The following ADGRL3 variants were observed in gnomAD, a reference collection of about 807,000 sequenced individuals.
ADGRL3 encodes adhesion G protein-coupled receptor L3.
A neutral mutation model predicts 153.5 loss-of-function variants in ADGRL3; 62 were observed. The ratio of observed to expected loss-of-function variants is 0.40; its 90% CI spans 0.33 to 0.50. The LOEUF (loss-of-function observed/expected upper bound fraction) is 0.50. Among genes scored for constraint, ADGRL3 ranks in the 20% least tolerant of loss-of-function variants. The pLI is 0.47. For missense variants in ADGRL3, 1,641 were observed against 1,859.4 expected, an observed-to-expected ratio of 0.88 and a Z score of 2.16; for synonymous variants, 710 against 672.5, an observed-to-expected ratio of 1.06 and a Z score of -0.86.
chr4:61,530,966 T>A (rs1054935198), intron 4 of ADGRL3, among the ~76,000 whole-genome samples: 2 of 152,188 alleles, frequency 1.3e-5, no homozygotes, highest in African/African-American at 4.8e-5. Flanking sequence ...GTGCTCTATT[T>A]ATCATATATT....
chr4:61,454,916 CA>C (rs1478241381), intron 2 of ADGRL3, among the ~76,000 whole-genome samples: 1 of 151,886 alleles, frequency 6.6e-6, no homozygotes, highest in Non-Finnish European at 1.5e-5. Context: ...ATGCTAAATC[CA>C]ACTTTCATAT....
intron 25 of ADGRL3, among the ~76,000 whole-genome samples, chr4:62,055,313 T>C (rs761505666): frequency 7.2e-5 from 11 of 151,942 alleles, no homozygotes; most frequent in South Asian, 2.1e-4. Context: ...ATCTGTACTT[T>C]AGAGAAAATA....
At chr4:62,045,776 A>G (rs1730812125) in intron 25 of ADGRL3, among the ~76,000 whole-genome samples, 1 of 152,026 alleles carries the variant, frequency 6.6e-6, no homozygotes, top group Non-Finnish European at 1.5e-5. Context: ...TGTCTTGATT[A>G]GTAAGAATAG....
chr4:61,506,562 G>T (rs757811330), intron 3 of ADGRL3, among the ~76,000 whole-genome samples: 1 of 152,144 alleles, frequency 6.6e-6, no homozygotes, highest in African/African-American at 2.4e-5. Context: ...ATGTTAAAGG[G>T]TGTTGAAAAG....
At position 61,717,199 on chromosome 4, in the gene ADGRL3, TGTGTGTGTGTGTGTGTGTGTGC is replaced by T. The variant is rs1251584540; in HGVS notation, c.584-13406_584-13385del. ...AATTCTGTAGGCCACATAGTTTATG[TGTGTGTGTGTGTGTGTGTGTGC>T]GTGTGTGTGTGTGTGTATAACAAAC... is the stretch of plus-strand genomic sequence containing the variant. On this transcript the variant is annotated intron_variant, in intron 6 of 26. Transcript: ENST00000683033. 5.1e-3 allele frequency among the ~76,000 whole-genome samples: 496 copies of T among 97,726 alleles called. 2 individuals are homozygous for T. Among genetic ancestry groups the T allele is most frequent in the African/African-American group, 0.025 (480 of 19,344 alleles). 64.1% of individuals were successfully genotyped at this position (97,726 alleles called of 152,430 possible).
At chr4:62,006,577 ATTTT>A (rs34336604) in intron 21 of ADGRL3, among the ~76,000 whole-genome samples, 7 of 130,776 alleles carry the variant, frequency 5.4e-5, no homozygotes, top group Admixed American at 7.7e-5. Flanking sequence ...CAATGTATAG[ATTTT>A]TTTTTTTTTT....
At chr4:62,062,544 A>G (rs1740777874) in intron 25 of ADGRL3, among the ~76,000 whole-genome samples, 1 of 151,948 alleles carries the variant, frequency 6.6e-6, no homozygotes, top group South Asian at 2.1e-4. Flanking sequence ...TTCATCTAAC[A>G]CAAATACACA....
At chr4:61,904,087 C>T (rs1444234865) in intron 11 of ADGRL3, among the ~76,000 whole-genome samples, 1 of 150,694 alleles carries the variant, frequency 6.6e-6, no homozygotes, top group African/African-American at 2.4e-5. Context: ...TTTTTATAAC[C>T]TATTTCACTT....
chr4:61,354,588 G>A (rs1488626038), intron 1 of ADGRL3, among the ~76,000 whole-genome samples: 4 of 151,338 alleles, frequency 2.6e-5, no homozygotes, highest in Non-Finnish European at 5.9e-5. Context: ...GTGTGTGTGT[G>A]TGTGTGTGTG....
Position 61,839,496 on chromosome 4 carries a change from A to C in ADGRL3, c.1480+25607A>C, listed in dbSNP as rs1236358220. ...CAGGAATGAGCCACTGTACCTGGCC[A>C]TGTGATTCTTAAACTAAGAGGAAAA... On this transcript the variant is annotated intron_variant, in intron 9 of 26. Transcript: ENST00000683033. Among the ~76,000 whole-genome samples, 3 of 152,124 alleles carry C rather than the reference A, an allele frequency of 2.0e-5. 1 individual carries two copies. Among genetic ancestry groups the C allele is most frequent in the Admixed American group, 2.0e-4 (3 of 15,286 alleles).
chr4:61,622,579 A>G (rs894014543), intron 5 of ADGRL3, among the ~76,000 whole-genome samples: 4 of 152,252 alleles, frequency 2.6e-5, no homozygotes, highest in South Asian at 2.1e-4. Context: ...AGAGACAACA[A>G]TGAAGATGAT....
chr4:61,816,890 T>A (rs1260685436), intron 9 of ADGRL3, among the ~76,000 whole-genome samples: 2 of 152,214 alleles, frequency 1.3e-5, no homozygotes, highest in Non-Finnish European at 2.9e-5. Context: ...AAGCCACCAC[T>A]GCCACTGCAG....
chr4:62,005,640 G>A (rs2099154717), intron 21 of ADGRL3, among the ~76,000 whole-genome samples: 1 of 151,942 alleles, frequency 6.6e-6, no homozygotes, highest in Admixed American at 6.6e-5. Flanking sequence ...CACAAGAAAT[G>A]TGCAGTCAGA....
At chr4:61,674,146 T>TTAGATAGA (rs34037060) in intron 5 of ADGRL3, among the ~76,000 whole-genome samples, 145 of 147,442 alleles carry the variant, frequency 9.8e-4, no homozygotes, top group Middle Eastern at 5.7e-3. Context: ...CGATGCATTT[T>TTAGATAGA]TAGATAGATA....
intron 1 of ADGRL3, among the ~76,000 whole-genome samples, chr4:61,352,183 G>A (rs1018820145): frequency 1.3e-5 from 2 of 152,160 alleles, no homozygotes; most frequent in African/African-American, 4.8e-5. Context: ...AACTGCAAAT[G>A]GGGTAGAAAT....
At position 61,888,046 on chromosome 4, in the gene ADGRL3, A is replaced by G. The variant is rs138735160; in HGVS notation, c.1481-4610A>G. ...TCTAAGAAAGAAACGAGTTATGAACAGTAAATTTCAAAGGACAGGAGAATT... is the reference window on the plus strand; with the variant it reads ...TCTAAGAAAGAAACGAGTTATGAACGGTAAATTTCAAAGGACAGGAGAATT... On this transcript the variant is annotated intron_variant, in intron 9 of 26. Transcript: ENST00000683033. 1.8e-4 allele frequency among the ~76,000 whole-genome samples: 28 copies of G among 152,336 alleles called. 2 individuals are homozygous for G. In the East Asian group the frequency reaches 5.4e-3, roughly 29 times the overall value.
intron 2 of ADGRL3, among the ~76,000 whole-genome samples, chr4:61,410,751 T>A (rs1349878808): frequency 6.6e-6 from 1 of 152,172 alleles, no homozygotes; most frequent in Non-Finnish European, 1.5e-5. Context: ...GAATACACTA[T>A]CGTGCAGGCT....
chr4:61,203,816 GCT>G (rs1452190626), intron 1 of ADGRL3, among the ~76,000 whole-genome samples: 1 of 152,056 alleles, frequency 6.6e-6, no homozygotes, highest in African/African-American at 2.4e-5. Flanking sequence ...AGAATTCTCA[GCT>G]CTTTTATAAT....
At chr4:62,056,467 T>C (rs549363306) in intron 25 of ADGRL3, among the ~76,000 whole-genome samples, 87 of 152,144 alleles carry the variant, frequency 5.7e-4, no homozygotes, top group African/African-American at 1.9e-3. Flanking sequence ...CAATTTAGTG[T>C]ACAAACATAT....
Sources: gnomAD v4.1 joint callset for allele counts (sites outside exome capture counted in the v4.1 genomes callset) on GRCh38, gnomAD v4.1.1 for gene constraint, MANE v1.5 for transcripts, NCBI Gene and HGNC (gene_info 2026-07-23, HGNC 2026-07-21) for gene names.